CSMD1: variants seen among roughly 807,000 people sequenced by gnomAD.
CSMD1 encodes CUB and Sushi multiple domains 1.
A neutral mutation model predicts 417.5 loss-of-function variants in CSMD1; 213 were observed. That is an observed-to-expected ratio of 0.51 (90% CI 0.46 to 0.57). CSMD1 has a LOEUF of 0.57. CSMD1 is among the 20% of genes least tolerant of loss of function. The pLI is 0.00. For synonymous variants in CSMD1, 2,862 were observed against 1,736.8 expected (o/e 1.65, Z -16.11); for missense variants, 6,923 against 4,529.7 (o/e 1.53, Z -15.17).
At chr8:3,016,666 T>A (rs527948502) in intron 52 of CSMD1, among the ~76,000 whole-genome samples, 10 of 152,366 alleles carry the variant, frequency 6.6e-5, no homozygotes, top group African/African-American at 2.2e-4. Flanking sequence ...AAATACTCTA[T>A]GTCTCTTCCA....
chr8:4,766,212 G>C (rs1812453091), intron 1 of CSMD1, among the ~76,000 whole-genome samples: 1 of 152,158 alleles, frequency 6.6e-6, no homozygotes, highest in East Asian at 1.9e-4. Flanking sequence ...AACAGAGCAT[G>C]TGCTGGTGCG....
chr8:4,045,175 G>A (rs750281594), intron 3 of CSMD1, among the ~76,000 whole-genome samples: 40 of 152,224 alleles, frequency 2.6e-4, no homozygotes, highest in African/African-American at 6.5e-4. Context: ...CTGGGGTACC[G>A]GGTGCTGAGG....
intron 3 of CSMD1, among the ~76,000 whole-genome samples, chr8:4,140,429 T>C (rs1300095708): frequency 6.6e-6 from 1 of 150,716 alleles, no homozygotes; most frequent in Admixed American, 6.6e-5. Context: ...ACCTGGGAAG[T>C]GGAGGTTGCC....
At chr8:4,618,805 C>A (rs529306250) in intron 2 of CSMD1, among the ~76,000 whole-genome samples, 6 of 152,118 alleles carry the variant, frequency 3.9e-5, no homozygotes, top group Admixed American at 6.6e-5. Context: ...CTTCACTGTT[C>A]AGAGAAAACA....
At chr8:3,605,269 C>T (rs1243059926) in intron 8 of CSMD1, among the ~76,000 whole-genome samples, 5 of 152,298 alleles carry the variant, frequency 3.3e-5, no homozygotes, top group South Asian at 4.1e-4. Flanking sequence ...GGTTTACAGG[C>T]GTGCGCCATC....
intron 12 of CSMD1, among the ~76,000 whole-genome samples, chr8:3,431,553 G>C (rs1290556544): frequency 6.6e-6 from 1 of 151,998 alleles, no homozygotes; most frequent in Non-Finnish European, 1.5e-5. Context: ...TCCATCCCTT[G>C]TATGAGAGTT....
chr8:4,196,416 T>A lies in CSMD1; in HGVS notation c.416-164317A>T, dbSNP rs149660219. 1.2e-3 allele frequency among the ~76,000 whole-genome samples: 183 copies of A among 152,174 alleles called. 1 individual carries two copies. Among genetic ancestry groups the A allele is most frequent in the African/African-American group, 4.1e-3 (171 of 41,518 alleles). ...GCCTCACTAGACAAAAATCAAGGCGTTTTCAGGCTACAGTCCTTTCTGAAG... is the reference window on the plus strand; with the variant it reads ...GCCTCACTAGACAAAAATCAAGGCGATTTCAGGCTACAGTCCTTTCTGAAG... On this transcript the variant is annotated intron_variant, in intron 3 of 69. Coordinates refer to ENST00000635120, the MANE Select transcript of CSMD1 (RefSeq NM_033225.6).
chr8:3,703,434 C>T (rs1251577680), intron 7 of CSMD1, among the ~76,000 whole-genome samples: 3 of 127,650 alleles, frequency 2.4e-5, no homozygotes, highest in Non-Finnish European at 5.0e-5. Context: ...TCCTTTCTCC[C>T]TTTTCATTCA....
chr8:4,026,452 T>G (rs1797070110), intron 4 of CSMD1, among the ~76,000 whole-genome samples: 1 of 152,228 alleles, frequency 6.6e-6, no homozygotes, highest in African/African-American at 2.4e-5. Context: ...CAACTTTGAC[T>G]ACAGATACGA....
intron 47 of CSMD1, 145 bp from the exon 48 acceptor site, chr8:3,091,807 G>A (rs1210232462): frequency 3.4e-5 from 21 of 619,260 alleles, no homozygotes; most frequent in Non-Finnish European, 5.2e-5. Flanking sequence ...AATTCCAAAT[G>A]GCTATAGTGA....
rs531925485 is a variant in CSMD1 at position 3,463,814 on chromosome 8, G to A, written c.1561+4898C>T. On this transcript the variant is annotated intron_variant, in intron 12 of 69. Transcript: ENST00000635120. ...CTCAAAAGTTCCGTCTGCCAAGAAT[G>A]GTAAAGATGCTGGTTTTTGAACCAT... 3.3e-5 allele frequency among the ~76,000 whole-genome samples: 5 copies of A among 152,266 alleles called. No homozygotes were observed. In the South Asian group the frequency reaches 1.0e-3, roughly 32 times the overall value.
At position 4,143,311 on chromosome 8, in the gene CSMD1, T is replaced by C. The variant is rs983863130; in HGVS notation, c.416-111212A>G. Among the ~76,000 whole-genome samples the C allele has an allele frequency of 3.3e-5, 5 of 150,864 alleles. No homozygotes were observed. In the East Asian group the frequency reaches 5.8e-4, roughly 17 times the overall value. ...AGGCCACAGCTTTGTAGTATTGCTT[T>C]TTATTTCCAGTTCTTCAAATCTGAT... On this transcript the variant is annotated intron_variant, in intron 3 of 69. Coordinates refer to ENST00000635120, the MANE Select transcript of CSMD1 (RefSeq NM_033225.6).
chr8:4,170,358 C>T lies in CSMD1; in HGVS notation c.416-138259G>A, dbSNP rs1012859770. On this transcript the variant is annotated intron_variant, in intron 3 of 69. Transcript: ENST00000635120. ...CTCATTTCATGCAGTTCCGTATATTCGGATAATTTATGAAAAATTGAATTC... is the reference window on the plus strand; with the variant it reads ...CTCATTTCATGCAGTTCCGTATATTTGGATAATTTATGAAAAATTGAATTC... Among the ~76,000 whole-genome samples, 10 of 151,788 alleles carry T rather than the reference C, an allele frequency of 6.6e-5. 1 individual carries two copies. The highest frequency in any genetic ancestry group is 1.9e-4 in the African/African-American group (8 of 41,080).
At chr8:3,697,887 T>A (rs546872840) in intron 7 of CSMD1, among the ~76,000 whole-genome samples, 1 of 152,010 alleles carries the variant, frequency 6.6e-6, no homozygotes, top group Non-Finnish European at 1.5e-5. Flanking sequence ...TCTCTAGCCA[T>A]TACGCAAAGT....
chr8:4,365,697 G>A (rs531603484), intron 3 of CSMD1, among the ~76,000 whole-genome samples: 1 of 152,152 alleles, frequency 6.6e-6, no homozygotes, highest in African/African-American at 2.4e-5. Context: ...CTCTGATCCA[G>A]CCTGAGACTT....
intron 26 of CSMD1, among the ~76,000 whole-genome samples, chr8:3,234,973 G>A (rs948529657): frequency 3.9e-5 from 6 of 152,120 alleles, no homozygotes; most frequent in South Asian, 2.1e-4. Context: ...GCACAATCTT[G>A]TTCATCTGAA....
chr8:2,961,324 A>G lies in CSMD1; in HGVS notation c.9629-110T>C. ...GAAATAGAGAAAATATTGTTTTGAG[A>G]AATGTGCAAGATGTTTTTCAGGAAA... On this transcript the variant is annotated intron_variant, in intron 61 of 69. Transcript: ENST00000635120. The G allele has an allele frequency of 5.7e-6, 3 of 530,358 alleles. No homozygotes were observed. The East Asian group carries it at 1.0e-4, about 18-fold the overall frequency. The allele number at this position is 530,358 out of a possible 1,614,324, so 32.9% of individuals were successfully genotyped here. A position where few individuals can be genotyped will look rare whatever the true frequency, so the allele number is the denominator to read the frequency against.
intron 3 of CSMD1, among the ~76,000 whole-genome samples, chr8:4,148,596 T>C (rs1796403258): frequency 1.3e-5 from 2 of 152,168 alleles, no homozygotes; most frequent in Non-Finnish European, 2.9e-5. Flanking sequence ...CTGTCTGGTC[T>C]GGTGAGAGCC....
At chr8:4,260,696 C>T (rs1038837861) in intron 3 of CSMD1, among the ~76,000 whole-genome samples, 4 of 152,090 alleles carry the variant, frequency 2.6e-5, no homozygotes, top group Non-Finnish European at 5.9e-5. Context: ...CCAAAATTCC[C>T]ATGTCGTTGG....
Sources: gnomAD v4.1 joint callset for allele counts (sites outside exome capture counted in the v4.1 genomes callset) on GRCh38, gnomAD v4.1.1 for gene constraint, MANE v1.5 for transcripts, NCBI Gene and HGNC (gene_info 2026-07-23, HGNC 2026-07-21) for gene names.